The following LRFN5 variants were observed in gnomAD, a reference collection of about 807,000 sequenced individuals.
LRFN5 encodes leucine-rich repeat and fibronectin type-III domain-containing protein 5.
A neutral mutation model predicts 45.6 loss-of-function variants in LRFN5; 24 were observed. That is an observed-to-expected ratio of 0.53 (90% CI 0.38 to 0.74). LRFN5 has a LOEUF of 0.74. Ranked by LOEUF, LRFN5 falls within the 30% of genes least tolerant of loss-of-function variation. The pLI is 0.00. For synonymous variants in LRFN5, 340 were observed against 313.8 expected (o/e 1.08, Z -0.88); for missense variants, 776 against 861.5 (o/e 0.90, Z 1.24).
intron 2 of LRFN5, among the ~76,000 whole-genome samples, chr14:41,856,707 C>T (rs1288484081): frequency 7.3e-4 from 9 of 12,282 alleles, no homozygotes; most frequent in Admixed American, 1.2e-3. Context: ...GACGGAGTCT[C>T]GTTCTGTCGC....
intron 2 of LRFN5, among the ~76,000 whole-genome samples, chr14:41,839,555 C>T (rs564511349): frequency 2.6e-5 from 4 of 152,084 alleles, no homozygotes; most frequent in Non-Finnish European, 5.9e-5. Flanking sequence ...TGATGCTTTC[C>T]ATACAAGCAA....
chr14:41,616,659 G>A (rs146500856), intron 1 of LRFN5, among the ~76,000 whole-genome samples: 1 of 152,224 alleles, frequency 6.6e-6, no homozygotes, highest in East Asian at 1.9e-4. Context: ...ACTTGACTAA[G>A]TATCCTGGTA....
At chr14:41,879,144 G>A (rs998690677) in intron 2 of LRFN5, among the ~76,000 whole-genome samples, 5 of 151,860 alleles carry the variant, frequency 3.3e-5, no homozygotes, top group African/African-American at 1.2e-4. Flanking sequence ...TATGTTGCCT[G>A]ATGATAAAAA....
intron 1 of LRFN5, among the ~76,000 whole-genome samples, chr14:41,609,386 G>C (rs544619754): frequency 2.0e-5 from 3 of 151,062 alleles, no homozygotes; most frequent in Non-Finnish European, 1.5e-5. Flanking sequence ...TTTTTTTTCC[G>C]GTGCCTTGAT....
rs150573854 is a variant in LRFN5, at chr14:41,776,894, T to C, written c.-21+9865T>C. On this transcript the variant is annotated intron_variant, in intron 2 of 5. Transcript: ENST00000298119. ...AAATTAAGTTGGATTTGCAGTACTGTACAGTTCCATTTATGTTTTCCATAC... is the reference window on the plus strand; with the variant it reads ...AAATTAAGTTGGATTTGCAGTACTGCACAGTTCCATTTATGTTTTCCATAC... 8.5e-4 allele frequency among the ~76,000 whole-genome samples: 129 copies of C among 152,176 alleles called. No individual in the cohort carries two copies. The East Asian group carries it at 0.016, about 18-fold the overall frequency.
At chr14:41,758,768 C>G (rs1353113455) in intron 1 of LRFN5, among the ~76,000 whole-genome samples, 1 of 152,180 alleles carries the variant, frequency 6.6e-6, no homozygotes, top group South Asian at 2.1e-4. Context: ...TTGTCCCATA[C>G]AGCCTTCATA....
intron 2 of LRFN5, among the ~76,000 whole-genome samples, chr14:41,779,732 C>A (rs925913281): frequency 2.0e-5 from 3 of 151,716 alleles, no homozygotes; most frequent in Non-Finnish European, 4.4e-5. Flanking sequence ...TCCATTTTGT[C>A]CAGTTTATCA....
At chr14:41,752,451 G>A (rs994479167) in intron 1 of LRFN5, among the ~76,000 whole-genome samples, 2 of 152,100 alleles carry the variant, frequency 1.3e-5, no homozygotes, top group Admixed American at 1.3e-4. Flanking sequence ...TTTAATGATT[G>A]CCATTCTAAC....
intron 1 of LRFN5, among the ~76,000 whole-genome samples, chr14:41,737,346 G>A (rs777009548): frequency 3.9e-5 from 6 of 151,972 alleles, no homozygotes; most frequent in Non-Finnish European, 7.4e-5. Context: ...CTGATGAAAC[G>A]TATCTTAAAA....
intron 2 of LRFN5, among the ~76,000 whole-genome samples, chr14:41,835,430 TG>T (rs1481832226): frequency 6.6e-6 from 1 of 152,214 alleles, no homozygotes; most frequent in Non-Finnish European, 1.5e-5. Context: ...TGCTTATGTT[TG>T]GATTTCCAAA....
At chr14:41,719,874 T>A (rs1209289120) in intron 1 of LRFN5, among the ~76,000 whole-genome samples, 1 of 152,016 alleles carries the variant, frequency 6.6e-6, no homozygotes, top group Non-Finnish European at 1.5e-5. Context: ...TTGATGTAGG[T>A]GTTTAGAGCT....
At chr14:41,825,736 G>C (rs1424544900) in intron 2 of LRFN5, among the ~76,000 whole-genome samples, 2 of 152,156 alleles carry the variant, frequency 1.3e-5, no homozygotes, top group African/African-American at 4.8e-5. Flanking sequence ...TGCCACCTCA[G>C]CCTTGGTTTG....
At chr14:41,728,468 A>C (rs1291405600) in intron 1 of LRFN5, among the ~76,000 whole-genome samples, 1 of 152,200 alleles carries the variant, frequency 6.6e-6, no homozygotes, top group Non-Finnish European at 1.5e-5. Flanking sequence ...AAATGATGGA[A>C]GTCTTTCAAG....
chr14:41,887,220 C>A lies in LRFN5; in HGVS notation c.595C>A (p.Arg199=), dbSNP rs140770648. The change falls in exon 3 of 6, where the codon CGG becomes AGG. Residue 199 remains arginine (R), a synonymous_variant. Transcript: ENST00000298119. This position sits in a 1 kb window ranked among gnomAD's most constrained non-coding sequence, Gnocchi z 4.8. The part of the protein sequence containing the change: ...GTFSHLHKMT[R]LDVTSNKLQK... ...CTTCTCCCATTTGCACAAGATGACT[C>A]GGTTAGATGTGACATCAAATAAATT... The A allele has an allele frequency of 6.8e-6, 11 of 1,614,090 alleles. No homozygotes were observed. In the African/African-American group the frequency reaches 9.3e-5, roughly 14 times the overall value.
intron 1 of LRFN5, among the ~76,000 whole-genome samples, chr14:41,714,825 A>C (rs1375874509): frequency 1.3e-5 from 2 of 152,192 alleles, no homozygotes; most frequent in African/African-American, 4.8e-5. Flanking sequence ...GTGTTGCTTA[A>C]GCATAGGAGG....
chr14:41,686,564 T>A (rs888832245), intron 1 of LRFN5, among the ~76,000 whole-genome samples: 4 of 152,228 alleles, frequency 2.6e-5, no homozygotes, highest in Middle Eastern at 3.4e-3. Flanking sequence ...AGGGAATGCT[T>A]CCCACTTTTG....
chr14:41,696,614 G>A (rs537120199), intron 1 of LRFN5, among the ~76,000 whole-genome samples: 5 of 150,274 alleles, frequency 3.3e-5, no homozygotes, highest in South Asian at 4.2e-4. Context: ...TTATATAGTA[G>A]TTCTAAGGTT....
At chr14:41,778,014 G>C (rs112885012) in intron 2 of LRFN5, among the ~76,000 whole-genome samples, 3 of 82,054 alleles carry the variant, frequency 3.7e-5, no homozygotes, top group South Asian at 4.4e-4. Flanking sequence ...TTTTTGGTGG[G>C]GGGGGGGGAT....
chr14:41,798,439 C>T (rs1366453345), intron 2 of LRFN5, among the ~76,000 whole-genome samples: 1 of 151,910 alleles, frequency 6.6e-6, no homozygotes, highest in Non-Finnish European at 1.5e-5. Flanking sequence ...TAAGTAGTTG[C>T]TGTGTGCTGG....
Sources: allele counts gnomAD v4.1 joint callset (sites outside exome capture counted in the v4.1 genomes callset), GRCh38; gene constraint gnomAD v4.1.1; non-coding constraint Gnocchi (gnomAD v3.1); transcripts MANE v1.5; gene names NCBI Gene and HGNC (gene_info 2026-07-23, HGNC 2026-07-21).